CSMD1: variants seen among roughly 807,000 people sequenced by gnomAD.
CSMD1 encodes the protein CUB and Sushi multiple domains 1.
CSMD1 carries 213 observed loss-of-function variants against 417.5 expected under a neutral mutation model. The observed-to-expected ratio is 0.51, with a 90% CI of 0.46 to 0.57. CSMD1 has a LOEUF of 0.57. Among genes scored for constraint, CSMD1 ranks in the 20% least tolerant of loss-of-function variants. CSMD1 has a pLI of 0.00. For missense variants in CSMD1, 6,923 were observed against 4,529.7 expected, an observed-to-expected ratio of 1.53 and a Z score of -15.17; for synonymous variants, 2,862 against 1,736.8, an observed-to-expected ratio of 1.65 and a Z score of -16.11.
intron 39 of CSMD1, among the ~76,000 whole-genome samples, chr8:3,151,947 G>C (rs189098139): frequency 2.6e-5 from 4 of 152,266 alleles, no homozygotes; most frequent in Admixed American, 6.5e-5. Context: ...AACCCTGAAA[G>C]GATTACCATT....
intron 3 of CSMD1, among the ~76,000 whole-genome samples, chr8:4,295,954 G>A (rs963013845): frequency 1.3e-5 from 2 of 151,178 alleles, no homozygotes; most frequent in Non-Finnish European, 2.9e-5. Context: ...GACTCACTCT[G>A]TAGAACATTT....
chr8:4,419,882 T>A, intron 3 of CSMD1, 71 bp downstream of exon 3: 3 of 1,064,940 alleles, frequency 2.8e-6, no homozygotes, highest in Non-Finnish European at 2.8e-6. Flanking sequence ...TTTGTCATTA[T>A]TAATCCAGTG....
intron 1 of CSMD1, among the ~76,000 whole-genome samples, chr8:4,761,372 GT>G (rs398112130): frequency 2.8e-4 from 2 of 7,022 alleles, no homozygotes; most frequent in Non-Finnish European, 6.0e-4. Flanking sequence ...GTGTTACTTG[GT>G]GTGTGTGTGT....
At chr8:3,574,028 A>T (rs183170720) in intron 10 of CSMD1, among the ~76,000 whole-genome samples, 1 of 152,296 alleles carries the variant, frequency 6.6e-6, no homozygotes, top group East Asian at 1.9e-4. Context: ...CTATCCTAAG[A>T]TTTAAAATGT....
intron 3 of CSMD1, among the ~76,000 whole-genome samples, chr8:4,410,864 G>A (rs1585033269): frequency 6.6e-6 from 1 of 152,184 alleles, no homozygotes; most frequent in Non-Finnish European, 1.5e-5. Flanking sequence ...AGTGTAATAA[G>A]TTTGGAAGGA....
At chr8:4,489,769 T>C (rs1197732390) in intron 2 of CSMD1, among the ~76,000 whole-genome samples, 1 of 152,158 alleles carries the variant, frequency 6.6e-6, no homozygotes, top group Non-Finnish European at 1.5e-5. Context: ...ATGTTTGCCA[T>C]GAAAAGCAGA....
At chr8:3,795,235 ATATC>A (rs1168825073) in intron 5 of CSMD1, among the ~76,000 whole-genome samples, 1 of 108,556 alleles carries the variant, frequency 9.2e-6, no homozygotes. Context: ...ATATAGATAT[ATATC>A]TATCATGTAC....
At chr8:4,582,695 G>A (rs1021129033) in intron 2 of CSMD1, among the ~76,000 whole-genome samples, 1 of 152,212 alleles carries the variant, frequency 6.6e-6, no homozygotes, top group South Asian at 2.1e-4. Flanking sequence ...CTCGCTCTCG[G>A]CGCCTCCTCT....
At chr8:3,397,992 T>G (rs1386511265) in intron 16 of CSMD1, among the ~76,000 whole-genome samples, 2 of 152,160 alleles carry the variant, frequency 1.3e-5, no homozygotes, top group African/African-American at 4.8e-5. Flanking sequence ...ATCACACATG[T>G]CTAAAAATAT....
intron 3 of CSMD1, among the ~76,000 whole-genome samples, chr8:4,368,460 T>TA (rs2128911384): frequency 6.6e-6 from 1 of 152,298 alleles, no homozygotes; most frequent in South Asian, 2.1e-4. Context: ...ACCAGGGTTT[T>TA]AATATCAGAA....
At chr8:4,693,829 T>C (rs1391029126) in intron 1 of CSMD1, among the ~76,000 whole-genome samples, 1 of 21,498 alleles carries the variant, frequency 4.7e-5, no homozygotes. Context: ...GGTGTGCACC[T>C]CCATGCCTGG....
intron 1 of CSMD1, among the ~76,000 whole-genome samples, chr8:4,897,310 AAT>A (rs1278661772): frequency 2.0e-5 from 3 of 152,136 alleles, no homozygotes; most frequent in African/African-American, 7.3e-5. Flanking sequence ...GAAAAAATAA[AAT>A]AGAGTTTTAC....
chr8:4,454,827 G>C (rs546752335), intron 2 of CSMD1, among the ~76,000 whole-genome samples: 5 of 152,222 alleles, frequency 3.3e-5, no homozygotes, highest in African/African-American at 1.2e-4. Flanking sequence ...ACCATAAGAA[G>C]AGCAAAGGTT....
intron 37 of CSMD1, among the ~76,000 whole-genome samples, chr8:3,172,791 C>T (rs1345905712): frequency 6.6e-6 from 1 of 152,170 alleles, no homozygotes; most frequent in East Asian, 1.9e-4. Context: ...CAGTTGAACC[C>T]AATGGCAATT....
At chr8:4,462,310 A>G (rs1176999926) in intron 2 of CSMD1, among the ~76,000 whole-genome samples, 2 of 152,222 alleles carry the variant, frequency 1.3e-5, no homozygotes, top group Non-Finnish European at 2.9e-5. Flanking sequence ...TACAAAATAT[A>G]TATTCCAAAA....
At chr8:4,711,665 T>C (rs1049971462) in intron 1 of CSMD1, among the ~76,000 whole-genome samples, 1 of 27,214 alleles carries the variant, frequency 3.7e-5, no homozygotes, top group Non-Finnish European at 5.4e-5. Context: ...TTACTGTAGG[T>C]AAATTTAAAA....
intron 5 of CSMD1, among the ~76,000 whole-genome samples, chr8:3,925,975 A>G (rs1027089652): frequency 1.3e-5 from 2 of 151,062 alleles, no homozygotes; most frequent in Non-Finnish European, 1.5e-5. Context: ...AACCTCAGTC[A>G]CCCAATTTAC....
intron 3 of CSMD1, among the ~76,000 whole-genome samples, chr8:4,215,517 T>C (rs1040560042): frequency 2.6e-5 from 4 of 151,618 alleles, no homozygotes; most frequent in Non-Finnish European, 4.4e-5. Flanking sequence ...GTTTTTTTTT[T>C]TTCTTCCAGA....
intron 3 of CSMD1, among the ~76,000 whole-genome samples, chr8:4,222,944 T>C (rs1030454633): frequency 6.6e-6 from 1 of 151,990 alleles, no homozygotes; most frequent in Non-Finnish European, 1.5e-5. Flanking sequence ...TAAAAAGACA[T>C]TTCTTAAAAA....
Sources: gnomAD v4.1 joint callset for allele counts (sites outside exome capture counted in the v4.1 genomes callset) on GRCh38, gnomAD v4.1.1 for gene constraint, MANE v1.5 for transcripts, NCBI Gene and HGNC (gene_info 2026-07-23, HGNC 2026-07-21) for gene names.